Variants in TP63 observed in about 807,000 individuals in gnomAD.
The protein encoded by TP63 is tumor protein 63.
Under a neutral mutation model 82.8 loss-of-function variants are expected in TP63, and 17 were observed. The observed-to-expected ratio is 0.21, with a 90% CI of 0.14 to 0.31. The LOEUF (loss-of-function observed/expected upper bound fraction) is 0.31. Ranked by LOEUF, TP63 falls within the 10% of genes least tolerant of loss-of-function variation. The pLI, the probability that TP63 is intolerant of heterozygous loss-of-function variation, is 1.00. For synonymous variants in TP63, 330 were observed against 321.7 expected, an observed-to-expected ratio of 1.03 and a Z score of -0.28; for missense variants, 648 against 895.3, an observed-to-expected ratio of 0.72 and a Z score of 3.52.
At chr3:189,838,345 T>C (rs779496809) in intron 4 of TP63, among the ~76,000 whole-genome samples, 1 of 152,214 alleles carries the variant, frequency 6.6e-6, no homozygotes, top group Non-Finnish European at 1.5e-5. Context: ...TACTAAAACA[T>C]GTTAATAGAT....
upstream of TP63, chr3:189,631,135 A>C: frequency 4.3e-6 from 3 of 703,176 alleles, no homozygotes; most frequent in Non-Finnish European, 5.2e-6. Flanking sequence ...CATTCATGCC[A>C]GCATCCAATC....
At chr3:189,705,644 G>T (rs534597097) in intron 1 of TP63, among the ~76,000 whole-genome samples, 52 of 151,886 alleles carry the variant, frequency 3.4e-4, no homozygotes, top group Non-Finnish European at 6.5e-4. Flanking sequence ...GAGTTTTAAA[G>T]AACATATTTA....
intron 10 of TP63, chr3:189,881,165 A>T (rs1043198126): frequency 3.1e-6 from 3 of 982,440 alleles, no homozygotes; most frequent in Non-Finnish European, 3.6e-6. Flanking sequence ...TGTTCAGTGC[A>T]TTTAGCCAGG....
chr3:189,881,424 T>G (rs767947591), intron 10 of TP63: 3 of 985,394 alleles, frequency 3.0e-6, no homozygotes, highest in Non-Finnish European at 3.6e-6. Context: ...AGACAATGAT[T>G]TCTTGTTATT....
At chr3:189,805,004 G>A (rs900249178) in intron 3 of TP63, among the ~76,000 whole-genome samples, 5 of 152,022 alleles carry the variant, frequency 3.3e-5, no homozygotes, top group East Asian at 3.9e-4. Context: ...TTTTTCTTAC[G>A]TACAAAATCT....
intron 4 of TP63, among the ~76,000 whole-genome samples, chr3:189,832,805 G>A (rs1376034137): frequency 6.6e-6 from 1 of 152,214 alleles, no homozygotes; most frequent in Non-Finnish European, 1.5e-5. Context: ...GCAGAGTTAT[G>A]TGTCTTTCTA....
intron 3 of TP63, among the ~76,000 whole-genome samples, chr3:189,796,708 T>C (rs2108609369): frequency 1.3e-5 from 2 of 152,202 alleles, no homozygotes; most frequent in Middle Eastern, 3.4e-3. Context: ...TAAAATCTTT[T>C]CAAAAGTCTT....
chr3:189,634,097 C>A (rs1368392908), intron 1 of TP63, among the ~76,000 whole-genome samples: 1 of 151,820 alleles, frequency 6.6e-6, no homozygotes, highest in Non-Finnish European at 1.5e-5. Flanking sequence ...TTCTTTGATA[C>A]CTCATGAGTA....
intron 1 of TP63, among the ~76,000 whole-genome samples, chr3:189,675,158 T>G (rs1251784896): frequency 6.6e-6 from 1 of 152,072 alleles, no homozygotes; most frequent in Non-Finnish European, 1.5e-5. Flanking sequence ...AGGGACTAAC[T>G]GGCTCTCTGG....
intron 3 of TP63, among the ~76,000 whole-genome samples, chr3:189,741,756 G>A (rs905024741): frequency 1.3e-5 from 2 of 152,154 alleles, no homozygotes; most frequent in Non-Finnish European, 2.9e-5. Flanking sequence ...GAATCACCAT[G>A]TTTTGCTCTG....
chr3:189,696,887 T>G (rs919031074), intron 1 of TP63, among the ~76,000 whole-genome samples: 2 of 152,158 alleles, frequency 1.3e-5, no homozygotes, highest in African/African-American at 4.8e-5. Flanking sequence ...TAAAATGTTT[T>G]CTAATTGTTG....
the TP63 span, among the ~76,000 whole-genome samples, chr3:189,617,994 T>TACAGA: frequency 6.6e-6 from 1 of 152,210 alleles, no homozygotes; most frequent in African/African-American, 2.4e-5. Flanking sequence ...ACTCAAACTG[T>TACAGA]CTGTACCCAA....
rs551405509 is a variant in TP63 at position 189,768,117 on chromosome 3, C to T, written c.324+29343C>T. Among the ~76,000 whole-genome samples the T allele has an allele frequency of 2.6e-5, 4 of 152,210 alleles. No individual in the cohort carries two copies. The South Asian group carries it at 8.3e-4, about 32-fold the overall frequency. ...ACCCCCCGCGTGTATGAATAACTAA[C>T]CATCTCTAGGTTTTAGGGGTTTTGT... On this transcript the variant is annotated intron_variant, in intron 3 of 13. Transcript: ENST00000264731.
chr3:189,686,348 G>A (rs1240208362), intron 1 of TP63, among the ~76,000 whole-genome samples: 1 of 152,140 alleles, frequency 6.6e-6, no homozygotes, highest in East Asian at 1.9e-4. Flanking sequence ...AGTAAGAAGT[G>A]TCTTAAACAA....
At chr3:189,764,526 G>A (rs540775412) in intron 3 of TP63, among the ~76,000 whole-genome samples, 1 of 152,152 alleles carries the variant, frequency 6.6e-6, no homozygotes, top group Non-Finnish European at 1.5e-5. Context: ...TGTTCCCTTG[G>A]CTGTCTACTT....
chr3:189,741,128 T>A (rs1026016908), intron 3 of TP63, among the ~76,000 whole-genome samples: 3 of 151,716 alleles, frequency 2.0e-5, no homozygotes, highest in South Asian at 4.2e-4. Flanking sequence ...GCATCTGTAT[T>A]GAAAGGAAAA....
chr3:189,816,049 G>A (rs909397429), intron 4 of TP63, among the ~76,000 whole-genome samples: 10 of 152,088 alleles, frequency 6.6e-5, no homozygotes, highest in East Asian at 3.9e-4. Flanking sequence ...AGAGAATTAT[G>A]GAACTCTGTA....
At chr3:189,837,587 A>T (rs1713340208) in intron 4 of TP63, among the ~76,000 whole-genome samples, 1 of 147,254 alleles carries the variant, frequency 6.8e-6, no homozygotes, top group Non-Finnish European at 1.5e-5. Flanking sequence ...TGTGAATTTC[A>T]AATAAACCAT....
intron 3 of TP63, among the ~76,000 whole-genome samples, chr3:189,800,243 C>T (rs1726141676): frequency 1.3e-5 from 2 of 151,960 alleles, no homozygotes; most frequent in South Asian, 4.1e-4. Context: ...GAAGAAAGTT[C>T]TATTTGGCCA....
Sources: allele counts gnomAD v4.1 joint callset (sites outside exome capture counted in the v4.1 genomes callset), GRCh38; gene constraint gnomAD v4.1.1; transcripts MANE v1.5; gene names NCBI Gene and HGNC (gene_info 2026-07-23, HGNC 2026-07-21).